Variants in SPAG17 observed in about 807,000 individuals in gnomAD.
SPAG17 encodes the protein sperm-associated antigen 17.
In SPAG17, 169 loss-of-function variants were observed where a neutral mutation model predicts 273.6. That is an observed-to-expected ratio of 0.62 (90% CI 0.55 to 0.70). The LOEUF (loss-of-function observed/expected upper bound fraction) is 0.70, where lower values mean the gene tolerates loss of function less well. SPAG17 is among the 30% of genes least tolerant of loss of function. The pLI is 0.00. For synonymous variants in SPAG17, 825 were observed against 873.2 expected, an observed-to-expected ratio of 0.94 and a Z score of 0.97; for missense variants, 2,557 against 2,627.8, an observed-to-expected ratio of 0.97 and a Z score of 0.59.
At chr1:118,015,619 G>A (rs1206751203) in intron 29 of SPAG17, among the ~76,000 whole-genome samples, 1 of 152,040 alleles carries the variant, frequency 6.6e-6, no homozygotes, top group Non-Finnish European at 1.5e-5. Flanking sequence ...CATACATTCA[G>A]CATAAGGAAG....
intron 28 of SPAG17, among the ~76,000 whole-genome samples, chr1:118,016,953 A>T (rs1251805172): frequency 1.3e-5 from 2 of 152,210 alleles, no homozygotes; most frequent in East Asian, 1.9e-4. Context: ...CTCAATGATG[A>T]GGTAAACTCA....
At chr1:117,985,763 C>A (rs1165564591) in intron 40 of SPAG17, among the ~76,000 whole-genome samples, 1 of 152,150 alleles carries the variant, frequency 6.6e-6, no homozygotes. Context: ...TTTAATCTTA[C>A]AATAACCCTG....
chr1:118,148,286 C>G (rs758501565), intron 3 of SPAG17, among the ~76,000 whole-genome samples: 26 of 152,150 alleles, frequency 1.7e-4, no homozygotes, highest in Non-Finnish European at 3.8e-4. Context: ...CCACTGACTT[C>G]GTGGTGTTAC....
At chr1:118,074,057 T>C in intron 16 of SPAG17, 90 bp from the exon 17 acceptor site, 1 of 787,650 alleles carries the variant, frequency 1.3e-6, no homozygotes, top group Non-Finnish European at 2.0e-6. Context: ...CAGTATGTAC[T>C]CCATCTAATT....
At chr1:117,970,894 T>C (rs961742698) in intron 45 of SPAG17, among the ~76,000 whole-genome samples, 1 of 152,234 alleles carries the variant, frequency 6.6e-6, no homozygotes, top group Non-Finnish European at 1.5e-5. Context: ...CCACCCACTT[T>C]GTTGGCAACA....
At chr1:117,979,490 C>T (rs1358680212) in intron 43 of SPAG17, among the ~76,000 whole-genome samples, 1 of 152,134 alleles carries the variant, frequency 6.6e-6, no homozygotes, top group Non-Finnish European at 1.5e-5. Flanking sequence ...CAGCAACTCT[C>T]GCATGTGCCA....
intron 23 of SPAG17, among the ~76,000 whole-genome samples, chr1:118,037,775 T>C (rs1339575733): frequency 6.6e-6 from 1 of 152,334 alleles, no homozygotes; most frequent in Admixed American, 6.5e-5. Flanking sequence ...ATTCCATTTC[T>C]TTGCTATCAT....
intron 18 of SPAG17, among the ~76,000 whole-genome samples, chr1:118,059,855 G>A (rs1652097654): frequency 6.6e-6 from 1 of 152,004 alleles, no homozygotes; most frequent in African/African-American, 2.4e-5. Flanking sequence ...TCTCTTGCAG[G>A]CAGAGTATAG....
intron 1 of SPAG17, among the ~76,000 whole-genome samples, chr1:118,182,711 G>T (rs1354994198): frequency 2.6e-5 from 4 of 152,120 alleles, no homozygotes; most frequent in African/African-American, 9.7e-5. Flanking sequence ...TTTACTTGGT[G>T]CACATATTAG....
intron 48 of SPAG17, chr1:117,954,626 C>T (rs763880353): frequency 3.1e-6 from 5 of 1,611,978 alleles, no homozygotes; most frequent in Non-Finnish European, 4.2e-6. Flanking sequence ...GGCAGTATCT[C>T]AGTGAGTAAA....
In SPAG17 at chr1:118,005,609, GAGTAAC is replaced by G; in HGVS notation, c.4588-13_4588-8del. Reference sequence around the variant, plus strand: ...CTGTGTTTGGAGGTAACACCTGAAAGAGTAACAGAAAGACAGAAATTATTAAAATTT... The same window carrying G: ...CTGTGTTTGGAGGTAACACCTGAAAGAGAAAGACAGAAATTATTAAAATTT... On this transcript the variant is annotated splice_polypyrimidine_tract_variant and splice_region_variant and intron_variant, in intron 31 of 48. Coordinates refer to ENST00000336338, the MANE Select transcript of SPAG17 (RefSeq NM_206996.4). 6.9e-7 allele frequency: 1 copy of G among 1,439,924 alleles called. No homozygotes were observed. Among genetic ancestry groups the G allele is most frequent in the Non-Finnish European group, 9.2e-7 (1 of 1,091,630 alleles). 89.2% of individuals were successfully genotyped at this position (1,439,924 alleles called of 1,614,324 possible).
At chr1:118,114,823 A>G (rs1312095791) in intron 4 of SPAG17, among the ~76,000 whole-genome samples, 1 of 152,194 alleles carries the variant, frequency 6.6e-6, no homozygotes, top group Non-Finnish European at 1.5e-5. Flanking sequence ...CAGATGTGCA[A>G]TATAGGAGTA....
At position 118,094,089 on chromosome 1, in the gene SPAG17, T is replaced by C. The variant is rs191641255; in HGVS notation, c.1012-772A>G. On this transcript the variant is annotated intron_variant, in intron 7 of 48. Coordinates refer to ENST00000336338, the MANE Select transcript of SPAG17 (RefSeq NM_206996.4). ...TAAGGTGGTATGAGATGGTTCCTTG[T>C]ATGCAGAAGTCCAGTGACGTGCACA... Among the ~76,000 whole-genome samples the C allele has an allele frequency of 2.7e-4, 41 of 152,284 alleles. No individual in the cohort carries two copies. In the East Asian group the frequency reaches 7.1e-3, roughly 27 times the overall value.
At chr1:118,105,007 G>C (rs1656301760) in intron 4 of SPAG17, among the ~76,000 whole-genome samples, 1 of 152,142 alleles carries the variant, frequency 6.6e-6, no homozygotes, top group African/African-American at 2.4e-5. Context: ...GGGCTGAGGA[G>C]ACTGAAGTTC....
chr1:118,129,418 C>T (rs1293613166), intron 3 of SPAG17, among the ~76,000 whole-genome samples: 1 of 152,198 alleles, frequency 6.6e-6, no homozygotes, highest in Non-Finnish European at 1.5e-5. Flanking sequence ...CGCAGACCTG[C>T]TGAATCTGAA....
intron 47 of SPAG17, chr1:117,964,220 T>A: frequency 4.5e-5 from 9 of 201,566 alleles, no homozygotes; most frequent in East Asian, 3.1e-4. Context: ...AAACCATATC[T>A]ACATCAGATT....
intron 34 of SPAG17, among the ~76,000 whole-genome samples, chr1:117,995,217 G>T (rs961114270): frequency 6.6e-6 from 1 of 152,022 alleles, no homozygotes; most frequent in African/African-American, 2.4e-5. Context: ...TGTCTTCAGG[G>T]AAGCCTTCTT....
intron 28 of SPAG17, among the ~76,000 whole-genome samples, chr1:118,020,814 T>C (rs1050642469): frequency 1.1e-4 from 17 of 152,206 alleles, no homozygotes; most frequent in African/African-American, 4.1e-4. Flanking sequence ...TAATTCTTTT[T>C]ACATTTCTAA....
chr1:118,093,240 C>T lies in SPAG17; in HGVS notation c.1089G>A (p.Gln363=). 6.2e-7 allele frequency: 1 copy of T among 1,613,720 alleles called. No individual in the cohort carries two copies. Among genetic ancestry groups the T allele is most frequent in the Non-Finnish European group, 8.5e-7 (1 of 1,179,812 alleles). The change falls in exon 8 of 49, where the codon CAG becomes CAA. Residue 363 remains glutamine (Q), a synonymous_variant. Coordinates refer to ENST00000336338, the MANE Select transcript of SPAG17 (RefSeq NM_206996.4). ...YDILDWKRQH[Q]HYLESMQLIN... ...TAAGCTGCATGCTTTCCAAATAGTG[C>T]TGGTGCTGCCTTTTCCAATCCAGGA...
Sources: gnomAD v4.1 joint callset for allele counts (sites outside exome capture counted in the v4.1 genomes callset) on GRCh38, gnomAD v4.1.1 for gene constraint, MANE v1.5 for transcripts, NCBI Gene and HGNC (gene_info 2026-07-23, HGNC 2026-07-21) for gene names.